Variants in FMO2 observed in about 807,000 individuals in gnomAD.
FMO2 encodes the protein flavin containing dimethylaniline monoxygenase 2.
Under a neutral mutation model 41.6 loss-of-function variants are expected in FMO2, and 33 were observed. The ratio of observed to expected loss-of-function variants is 0.79; its 90% CI spans 0.60 to 1.06. The LOEUF (loss-of-function observed/expected upper bound fraction) is 1.06, where lower values mean the gene tolerates loss of function less well. Ranked by LOEUF, FMO2 falls within the 50% of genes least tolerant of loss-of-function variation. The pLI, the probability that FMO2 is intolerant of heterozygous loss-of-function variation, is 0.00. For synonymous variants in FMO2, 214 were observed against 219.6 expected (o/e 0.97, Z 0.23); for missense variants, 619 against 632.9 (o/e 0.98, Z 0.23).
At chr1:171,192,314 T>C (rs1222382822) in intron 2 of FMO2, among the ~76,000 whole-genome samples, 1 of 152,216 alleles carries the variant, frequency 6.6e-6, no homozygotes, top group Non-Finnish European at 1.5e-5. Context: ...CCTTGTATTC[T>C]AGTGCAAACT....
In FMO2 at chr1:171,203,308, G is replaced by A. The variant is rs947076393; in HGVS notation, c.628-557G>A. ...CAACTGCAGTCCAGCCTGAGTGACA[G>A]AGCAAGACCCTGTCTCACACACACA... On this transcript the variant is annotated intron_variant, in intron 5 of 8. Transcript: ENST00000209929. 2.0e-5 allele frequency among the ~76,000 whole-genome samples: 3 copies of A among 148,026 alleles called. No individual in the cohort carries two copies. The Admixed American group carries it at 2.0e-4, about 10-fold the overall frequency.
rs987068760 is a variant in FMO2, at chr1:171,191,377, A to G, written c.133-1958A>G. ...AAGCCAAATTGTTGGGTCTTTTAAAAACTAGCATTTTGGCTGTAGTATAAC... is the reference window on the plus strand; with the variant it reads ...AAGCCAAATTGTTGGGTCTTTTAAAGACTAGCATTTTGGCTGTAGTATAAC... On this transcript the variant is annotated intron_variant, in intron 2 of 8. Coordinates refer to ENST00000209929, the MANE Select transcript of FMO2 (RefSeq NM_001460.5). 2.6e-5 allele frequency among the ~76,000 whole-genome samples: 4 copies of G among 152,192 alleles called. No homozygotes were observed. The East Asian group carries it at 7.7e-4, about 29-fold the overall frequency.
chr1:171,205,455 T>C lies in FMO2; in HGVS notation c.1004T>C (p.Phe335Ser), dbSNP rs1212662924. The change falls in exon 7 of 9, where the codon TTT becomes TCT. Residue 335 changes from phenylalanine (F) to serine (S), a missense_variant. Physicochemically the swap from Phe to Ser is radical, Grantham distance 155 (BLOSUM62 -2). Coordinates refer to ENST00000209929, the MANE Select transcript of FMO2 (RefSeq NM_001460.5). ...IIFATGYSFS[F>S]PFLEDSLVKV... is the part of the protein sequence containing the mutation. ...TTTGCAACAGGATATAGTTTCTCTT[T>C]TCCCTTCCTTGAAGATTCACTCGTT... 1.4e-5 allele frequency: 23 copies of C among 1,613,774 alleles called. No homozygotes were observed. The highest frequency in any genetic ancestry group is 1.9e-5 in the Non-Finnish European group (22 of 1,179,892).
At chr1:171,195,315 G>T (rs1022527978) in intron 3 of FMO2, among the ~76,000 whole-genome samples, 27 of 152,166 alleles carry the variant, frequency 1.8e-4, no homozygotes, top group Admixed American at 1.5e-3. Flanking sequence ...CTTTAATGTG[G>T]ACATGAATCA....
chr1:171,187,627 C>CA (rs765479366), intron 2 of FMO2, among the ~76,000 whole-genome samples: 3,610 of 82,508 alleles, frequency 0.044, 176 homozygotes, highest in African/African-American at 0.072. Flanking sequence ...AACCTGCCAC[C>CA]AAAAAAAAAA....
At chr1:171,202,309 C>T (rs769957756) in intron 5 of FMO2, among the ~76,000 whole-genome samples, 10 of 152,148 alleles carry the variant, frequency 6.6e-5, no homozygotes, top group Middle Eastern at 3.4e-3. Flanking sequence ...CAAAGTATTG[C>T]CAAGTCAGCC....
intron 8 of FMO2, among the ~76,000 whole-genome samples, chr1:171,208,047 G>C (rs1240708950): frequency 6.6e-6 from 1 of 152,134 alleles, no homozygotes; most frequent in African/African-American, 2.4e-5. Context: ...CTTCTCCTTG[G>C]CTTAATTTCA....
At chr1:171,198,935 C>T (rs28369873) in intron 4 of FMO2, among the ~76,000 whole-genome samples, 3,986 of 152,016 alleles carry the variant, frequency 0.026, 175 homozygotes, top group African/African-American at 0.091. Context: ...GACAGTCTCA[C>T]TCTGTCACCC....
Position 171,210,054 on chromosome 1 carries a change from AT to A in FMO2, c.*912del, listed in dbSNP as rs1369326701. 6.6e-6 allele frequency: 1 copy of A among 152,192 alleles called. No individual in the cohort carries two copies. The highest frequency in any genetic ancestry group is 2.4e-5 in the African/African-American group (1 of 41,468). The allele number at this position is 152,192 out of a possible 1,614,324, so 9.4% of individuals were successfully genotyped here. A position where few individuals can be genotyped will look rare whatever the true frequency, so the allele number is the denominator to read the frequency against. ...ATATTTATTTACAAAACACTTCATT[AT>A]TTATAAAGAATTTACTAACAGTTTA... On this transcript the variant is annotated 3_prime_UTR_variant, in exon 9 of 9. Transcript: ENST00000209929.
At position 171,207,728 on chromosome 1, in the gene FMO2, C is replaced by G. The variant is rs1450892667; in HGVS notation, c.1194C>G (p.Ser398Arg). ...CCTTTTATTCCTTAGGCTTGTGTAGCCTGCCCTCAGAGAGAACTATGATGA... is the reference window on the plus strand; with the variant it reads ...CCTTTTATTCCTTAGGCTTGTGTAGGCTGCCCTCAGAGAGAACTATGATGA... ...WVTRVFKGLC[S>R]LPSERTMMMD... Residue 398 changes from serine to arginine, a missense_variant, in exon 8 of 9, where the codon AGC becomes AGG. Transcript: ENST00000209929. 6.2e-7 allele frequency: 1 copy of G among 1,607,754 alleles called. No homozygotes were observed. The highest frequency in any genetic ancestry group is 8.5e-7 in the Non-Finnish European group (1 of 1,175,240).
intron 4 of FMO2, among the ~76,000 whole-genome samples, chr1:171,198,608 A>G (rs1359129660): frequency 6.6e-6 from 1 of 152,006 alleles, no homozygotes; most frequent in Non-Finnish European, 1.5e-5. Flanking sequence ...AGAGAGCTTC[A>G]TCATGTTGGC....
chr1:171,193,527 T>TAAAACGTTCC lies in FMO2; in HGVS notation c.321+4_321+5insAAAACGTTCC. On this transcript the variant is annotated splice_donor_region_variant and intron_variant, in intron 3 of 8. Transcript: ENST00000209929. ...GCTAAAATATATTCAGTTCCAGGTATTGTATTTTTGGGGAAATGGGTTTCT... is the reference window on the plus strand; with the variant it reads ...GCTAAAATATATTCAGTTCCAGGTATAAAACGTTCCTGTATTTTTGGGGAAATGGGTTTCT... 1 of 1,577,354 alleles carries TAAAACGTTCC rather than the reference T, an allele frequency of 6.3e-7. No individual in the cohort carries two copies. Among genetic ancestry groups the TAAAACGTTCC allele is most frequent in the Non-Finnish European group, 8.7e-7 (1 of 1,151,970 alleles).
At chr1:171,198,250 A>G (rs367766942) in intron 4 of FMO2, among the ~76,000 whole-genome samples, 15 of 123,472 alleles carry the variant, frequency 1.2e-4, no homozygotes, top group East Asian at 9.6e-4. Context: ...TCACTGATTT[A>G]CACAATATGG....
rs1015142758 is a variant in FMO2, at chr1:171,209,242, T to G, written c.*97T>G. ...AAAAAACATTACATTCATGTTCTAA[T>G]TATAGATTTTAGAGTTAGGTAGTAC... On this transcript the variant is annotated 3_prime_UTR_variant, in exon 9 of 9. Transcript: ENST00000209929. 3.6e-5 allele frequency: 15 copies of G among 412,022 alleles called. No homozygotes were observed. Among genetic ancestry groups the G allele is most frequent in the Non-Finnish European group, 6.4e-5 (15 of 234,772 alleles). The allele number at this position is 412,022 out of a possible 1,614,324, so 25.5% of individuals were successfully genotyped here. A position where few individuals can be genotyped will look rare whatever the true frequency, so the allele number is the denominator to read the frequency against.
chr1:171,208,740 T>C, intron 8 of FMO2, 54 bp from the exon 9 acceptor site: 1 of 1,559,682 alleles, frequency 6.4e-7, no homozygotes, highest in Non-Finnish European at 8.8e-7. Flanking sequence ...TGCCTAATAT[T>C]CTAGAAAACT....
At position 171,205,480 on chromosome 1, in the gene FMO2, T is replaced by C; in HGVS notation, c.1029T>C (p.Val343=). 1.9e-6 allele frequency: 3 copies of C among 1,613,860 alleles called. No homozygotes were observed. In the South Asian group the frequency reaches 3.3e-5, roughly 18 times the overall value. The stretch of plus-strand genomic sequence containing the variant: ...TTCCCTTCCTTGAAGATTCACTCGT[T>C]AAAGTAGAGAATAATATGGTCTCAC... ...FSFPFLEDSL[V]KVENNMVSLY... The change falls in exon 7 of 9, where the codon GTT becomes GTC. Residue 343 remains valine (V), a synonymous_variant. Transcript: ENST00000209929.
intron 5 of FMO2, among the ~76,000 whole-genome samples, chr1:171,200,229 A>G (rs1261901523): frequency 6.6e-6 from 1 of 152,198 alleles, no homozygotes; most frequent in African/African-American, 2.4e-5. Context: ...CCTTCTAACC[A>G]CTGTCTTCTT....
rs777131373 is a variant in FMO2 at position 171,196,696 on chromosome 1, C to A, written c.369C>A (p.Gly123=). The part of the protein sequence containing the change: ...VRKCPDFSSS[G]QWKVVTQSNG... ...AATGTCCAGATTTCTCATCCTCTGG[C>A]CAATGGAAGGTTGTCACTCAGAGCA... Residue 123 remains glycine (G), a synonymous_variant, in exon 4 of 9, where the codon GGC becomes GGA. Transcript: ENST00000209929. The A allele has an allele frequency of 6.2e-6, 10 of 1,613,274 alleles. No homozygotes were observed. Among genetic ancestry groups the A allele is most frequent in the Admixed American group, 1.7e-5 (1 of 59,956 alleles).
intron 2 of FMO2, among the ~76,000 whole-genome samples, chr1:171,186,744 G>T (rs955392910): frequency 6.6e-6 from 1 of 152,118 alleles, no homozygotes; most frequent in Non-Finnish European, 1.5e-5. Flanking sequence ...TTAAAAATTT[G>T]TATAAAACTT....
Sources: allele counts gnomAD v4.1 joint callset (sites outside exome capture counted in the v4.1 genomes callset), GRCh38; gene constraint gnomAD v4.1.1; transcripts MANE v1.5; gene names NCBI Gene and HGNC (gene_info 2026-07-23, HGNC 2026-07-21).